PRKG1: variants seen among roughly 807,000 people sequenced by gnomAD.
PRKG1 encodes cGMP-dependent protein kinase 1.
A neutral mutation model predicts 88.1 loss-of-function variants in PRKG1; 35 were observed. The observed-to-expected ratio is 0.40, with a 90% CI of 0.30 to 0.53. PRKG1 has a LOEUF of 0.53. Among genes scored for constraint, PRKG1 ranks in the 20% least tolerant of loss-of-function variants. The probability of loss-of-function intolerance (pLI) is 0.59; values close to 1 mark genes in which losing one functional copy is unlikely to be tolerated. For missense variants in PRKG1, 540 were observed against 839.8 expected (o/e 0.64, Z 4.41); for synonymous variants, 303 against 292.5 (o/e 1.04, Z -0.37).
At chr10:51,477,519 C>T (rs1840232904) in intron 3 of PRKG1, among the ~76,000 whole-genome samples, 1 of 151,758 alleles carries the variant, frequency 6.6e-6, no homozygotes, top group Non-Finnish European at 1.5e-5. Context: ...CCTGGGAAAA[C>T]AATTTAATGT....
intron 1 of PRKG1, among the ~76,000 whole-genome samples, chr10:51,127,543 T>C (rs913374200): frequency 6.6e-6 from 1 of 152,142 alleles, no homozygotes; most frequent in Non-Finnish European, 1.5e-5. Context: ...TGTGGAAGAC[T>C]GTGTGGTGAT....
intron 5 of PRKG1, among the ~76,000 whole-genome samples, chr10:52,002,026 T>G (rs1258353077): frequency 1.3e-5 from 2 of 152,068 alleles, no homozygotes; most frequent in Non-Finnish European, 2.9e-5. Context: ...AAAATTAAGC[T>G]AATAACTATC....
At chr10:51,601,516 G>T (rs1175008383) in intron 3 of PRKG1, among the ~76,000 whole-genome samples, 1 of 152,102 alleles carries the variant, frequency 6.6e-6, no homozygotes, top group Non-Finnish European at 1.5e-5. Context: ...GGCAGGGTAT[G>T]TTGCCAGAAC....
At chr10:52,167,399 A>G (rs1173018791) in intron 9 of PRKG1, among the ~76,000 whole-genome samples, 2 of 152,152 alleles carry the variant, frequency 1.3e-5, no homozygotes, top group African/African-American at 2.4e-5. Flanking sequence ...CTCCAGCACT[A>G]TGGATTACAT....
rs137960561 is a variant in PRKG1, at chr10:51,075,962, A to G, written c.311+1061A>G. 4.6e-4 allele frequency among the ~76,000 whole-genome samples: 70 copies of G among 152,308 alleles called. 1 individual carries two copies. The highest frequency in any genetic ancestry group is 7.6e-4 in the Non-Finnish European group (52 of 68,032). On this transcript the variant is annotated intron_variant, in intron 1 of 17. Transcript: ENST00000373980. ...GATAAAACCAAGGATATTGCTGCTTACTCTACTACTAACGAAATCACATTG... is the reference window on the plus strand; with the variant it reads ...GATAAAACCAAGGATATTGCTGCTTGCTCTACTACTAACGAAATCACATTG...
chr10:51,923,535 ACTT>A (rs1732981678), intron 5 of PRKG1, among the ~76,000 whole-genome samples: 1 of 148,732 alleles, frequency 6.7e-6, no homozygotes, highest in African/African-American at 2.4e-5. Context: ...TTAGCATATT[ACTT>A]CTATTTCTTT....
intron 4 of PRKG1, among the ~76,000 whole-genome samples, chr10:51,866,541 T>C (rs7100082): frequency 0.098 from 14,852 of 152,146 alleles, 959 homozygotes; most frequent in African/African-American, 0.18. Flanking sequence ...ATGAAATACC[T>C]CAGATAATTT....
At chr10:52,207,645 C>T (rs1839856280) in intron 9 of PRKG1, among the ~76,000 whole-genome samples, 1 of 152,174 alleles carries the variant, frequency 6.6e-6, no homozygotes, top group Non-Finnish European at 1.5e-5. Context: ...AAGCAGCAAT[C>T]CCTGCTAGCT....
chr10:51,763,016 G>T (rs1838061164), intron 3 of PRKG1, among the ~76,000 whole-genome samples: 1 of 152,132 alleles, frequency 6.6e-6, no homozygotes, highest in Non-Finnish European at 1.5e-5. Context: ...TAAATTACTT[G>T]TAATAATAAT....
chr10:52,088,273 T>G (rs1846965985), intron 7 of PRKG1, among the ~76,000 whole-genome samples: 1 of 151,574 alleles, frequency 6.6e-6, no homozygotes, highest in Non-Finnish European at 1.5e-5. Flanking sequence ...TAAATATTAT[T>G]TAATAAAATA....
chr10:51,034,618 C>T (rs1171695581), intron 1 of PRKG1, among the ~76,000 whole-genome samples: 1 of 135,496 alleles, frequency 7.4e-6, no homozygotes, highest in Non-Finnish European at 1.5e-5. Context: ...GAATTCACAA[C>T]TTTTTTGCCC....
chr10:51,495,339 C>T (rs1434020841), intron 3 of PRKG1, among the ~76,000 whole-genome samples: 2 of 152,224 alleles, frequency 1.3e-5, no homozygotes, highest in Non-Finnish European at 2.9e-5. Flanking sequence ...AAGTGGTCTG[C>T]CCGCCTCGGC....
intron 5 of PRKG1, among the ~76,000 whole-genome samples, chr10:51,963,878 G>T (rs1201325131): frequency 6.6e-6 from 1 of 152,170 alleles, no homozygotes; most frequent in Non-Finnish European, 1.5e-5. Context: ...ATCACTAGAT[G>T]CTGTATTAGT....
At chr10:51,228,697 C>T (rs148138070) in intron 2 of PRKG1, among the ~76,000 whole-genome samples, 92 of 152,244 alleles carry the variant, frequency 6.0e-4, no homozygotes, top group African/African-American at 2.0e-3. Context: ...ATTGCATGTA[C>T]GATGTACATT....
chr10:51,869,257 A>G (rs1222732457), intron 4 of PRKG1, among the ~76,000 whole-genome samples: 1 of 152,130 alleles, frequency 6.6e-6, no homozygotes, highest in Non-Finnish European at 1.5e-5. Context: ...TAATCCCATC[A>G]TTGCCTTAAA....
At chr10:51,062,543 A>G (rs1201762777) in intron 1 of PRKG1, 1 of 152,190 alleles carries the variant, frequency 6.6e-6, no homozygotes, top group Non-Finnish European at 1.5e-5. Flanking sequence ...TCAGTAAACG[A>G]ATCTTCCATC....
intron 4 of PRKG1, among the ~76,000 whole-genome samples, chr10:51,859,487 C>T (rs370337288): frequency 3.8e-4 from 57 of 150,962 alleles, no homozygotes; most frequent in African/African-American, 1.4e-3. Context: ...ATAGATGCAG[C>T]CCTTGATCTG....
At chr10:51,541,647 G>C (rs1842305003) in intron 3 of PRKG1, among the ~76,000 whole-genome samples, 1 of 151,722 alleles carries the variant, frequency 6.6e-6, no homozygotes, top group Admixed American at 6.6e-5. Context: ...GCATTATATT[G>C]CTCAATATTA....
At chr10:51,855,506 A>G (rs1840657536) in intron 4 of PRKG1, among the ~76,000 whole-genome samples, 1 of 152,152 alleles carries the variant, frequency 6.6e-6, no homozygotes, top group African/African-American at 2.4e-5. Context: ...TGGTGTGAGG[A>G]ATGCAATTAC....
Sources: gnomAD v4.1 joint callset for allele counts (sites outside exome capture counted in the v4.1 genomes callset) on GRCh38, gnomAD v4.1.1 for gene constraint, MANE v1.5 for transcripts, NCBI Gene and HGNC (gene_info 2026-07-23, HGNC 2026-07-21) for gene names.